Variants in TENM2 observed in about 807,000 individuals in gnomAD.
TENM2 encodes teneurin transmembrane protein 2, also known as teneurin-2.
Under a neutral mutation model 245.2 loss-of-function variants are expected in TENM2, and 52 were observed. The observed-to-expected ratio is 0.21, with a 90% confidence interval of 0.17 to 0.27. TENM2 has a LOEUF of 0.27. TENM2 is among the 10% of genes least tolerant of loss of function. The probability of loss-of-function intolerance (pLI) is 1.00; values close to 1 mark genes in which losing one functional copy is unlikely to be tolerated. For synonymous variants in TENM2, 1,363 were observed against 1,438.9 expected, an observed-to-expected ratio of 0.95 and a Z score of 1.19; for missense variants, 3,046 against 3,666.8, an observed-to-expected ratio of 0.83 and a Z score of 4.37.
intron 2 of TENM2, among the ~76,000 whole-genome samples, chr5:167,555,191 C>G (rs756589386): frequency 3.5e-4 from 54 of 152,248 alleles, no homozygotes; most frequent in Non-Finnish European, 6.0e-4. Context: ...TTTCTCAGAT[C>G]TACCTAATTT....
At chr5:168,225,503 G>A (rs1423139587) in intron 23 of TENM2, among the ~76,000 whole-genome samples, 3 of 152,212 alleles carry the variant, frequency 2.0e-5, no homozygotes, top group African/African-American at 7.2e-5. Flanking sequence ...GCTCACGCCT[G>A]TAATTCCAGC....
chr5:167,053,240 A>T, the TENM2 span, among the ~76,000 whole-genome samples: 1 of 152,176 alleles, frequency 6.6e-6, no homozygotes, highest in Non-Finnish European at 1.5e-5. Context: ...GACACTTATT[A>T]CATGGAGACT....
intron 23 of TENM2, among the ~76,000 whole-genome samples, chr5:168,224,857 G>A (rs1764013255): frequency 1.3e-5 from 2 of 152,182 alleles, no homozygotes; most frequent in African/African-American, 4.8e-5. Context: ...CTGGAAACGA[G>A]CCTGCTTTCC....
chr5:167,250,863 G>C, the TENM2 span, among the ~76,000 whole-genome samples: 1 of 152,158 alleles, frequency 6.6e-6, no homozygotes, highest in African/African-American at 2.4e-5. Flanking sequence ...GGCCATGGAT[G>C]TAAATGTCAA....
intron 2 of TENM2, among the ~76,000 whole-genome samples, chr5:167,454,475 T>C (rs1361961091): frequency 4.0e-5 from 6 of 149,358 alleles, no homozygotes; most frequent in African/African-American, 1.2e-4. Flanking sequence ...TGTGTGTGTG[T>C]GCATGTGCAC....
At chr5:168,183,959 G>A (rs369407544) in intron 13 of TENM2, among the ~76,000 whole-genome samples, 2 of 152,078 alleles carry the variant, frequency 1.3e-5, no homozygotes, top group East Asian at 1.9e-4. Context: ...GCACTCCTTT[G>A]GGTATAATCA....
In TENM2 at chr5:167,353,601, G is replaced by A. The variant is rs569087652; in HGVS notation, c.227-21597G>A. 3.5e-3 allele frequency among the ~76,000 whole-genome samples: 444 copies of A among 128,564 alleles called. 5 individuals are homozygous for A. Among genetic ancestry groups the A allele is most frequent in the Middle Eastern group, 0.034 (6 of 176 alleles). The allele number at this position is 128,564 out of a possible 152,430, so 84.3% of individuals were successfully genotyped here. A position where few individuals can be genotyped will look rare whatever the true frequency, so the allele number is the denominator to read the frequency against. On this transcript the variant is annotated intron_variant, in intron 1 of 28. Coordinates refer to ENST00000518659, the Ensembl canonical transcript of TENM2. ...CGGCTCACTGCAAGCTCCGCCTCCC[G>A]GGTTCACGCCATTCTCCTGCCTCAG...
intron 1 of TENM2, among the ~76,000 whole-genome samples, chr5:167,321,200 A>C: frequency 6.6e-6 from 1 of 151,428 alleles, no homozygotes; most frequent in African/African-American, 2.4e-5. Context: ...TGTATTCACA[A>C]AATTAAAAAA....
At chr5:167,999,992 TC>T (rs746768970) in intron 5 of TENM2, among the ~76,000 whole-genome samples, 7 of 152,224 alleles carry the variant, frequency 4.6e-5, no homozygotes, top group Admixed American at 1.3e-4. Flanking sequence ...TGGAGAGTTC[TC>T]CACCTACTAT....
At chr5:167,915,518 G>A (rs564783821) in intron 3 of TENM2, among the ~76,000 whole-genome samples, 2 of 152,172 alleles carry the variant, frequency 1.3e-5, no homozygotes, top group South Asian at 2.1e-4. Context: ...GCTGGCATTG[G>A]CCTCTGTTCC....
chr5:167,213,761 C>T, the TENM2 span, among the ~76,000 whole-genome samples: 1 of 152,036 alleles, frequency 6.6e-6, no homozygotes, highest in Non-Finnish European at 1.5e-5. Flanking sequence ...GTATATAAAA[C>T]AAATATGTGC....
the TENM2 span, among the ~76,000 whole-genome samples, chr5:166,984,008 A>G: frequency 6.6e-6 from 1 of 152,140 alleles, no homozygotes; most frequent in Non-Finnish European, 1.5e-5. Flanking sequence ...AGCTTTCAAA[A>G]AGTCAGTCAG....
intron 13 of TENM2, among the ~76,000 whole-genome samples, chr5:168,181,212 G>C (rs1360252241): frequency 6.6e-6 from 1 of 152,226 alleles, no homozygotes; most frequent in Non-Finnish European, 1.5e-5. Context: ...GGTTTAAAAG[G>C]TTTTGTTGAT....
At chr5:167,237,021 T>C in the TENM2 span, among the ~76,000 whole-genome samples, 1 of 152,164 alleles carries the variant, frequency 6.6e-6, no homozygotes. Context: ...TAGGTGCAGA[T>C]GGCATCTTGG....
chr5:167,508,742 T>A (rs1377655252), intron 2 of TENM2, among the ~76,000 whole-genome samples: 1 of 152,196 alleles, frequency 6.6e-6, no homozygotes, highest in African/African-American at 2.4e-5. Flanking sequence ...TACAGAATAG[T>A]GGTCTCATAA....
rs532468505 is a variant in TENM2 at position 168,138,637 on chromosome 5, G to A, written c.2422+11671G>A. On this transcript the variant is annotated intron_variant, in intron 12 of 28. Coordinates refer to ENST00000518659, the Ensembl canonical transcript of TENM2. ...TCAGCAGGGAGCACAGGGAGAGAGA[G>A]GAAAGCAGGAAGGGACATGGAAATG... Among the ~76,000 whole-genome samples the A allele has an allele frequency of 4.6e-5, 7 of 152,320 alleles. No homozygotes were observed. In the South Asian group the frequency reaches 1.5e-3, roughly 32 times the overall value.
intron 12 of TENM2, among the ~76,000 whole-genome samples, chr5:168,143,843 CTTT>C (rs70976464): frequency 7.8e-5 from 8 of 102,718 alleles, no homozygotes; most frequent in African/African-American, 1.9e-4. Context: ...TACTACACTT[CTTT>C]TTTTTTTTTT....
chr5:167,429,642 C>A (rs573423974), intron 2 of TENM2, among the ~76,000 whole-genome samples: 2 of 129,160 alleles, frequency 1.5e-5, no homozygotes, highest in South Asian at 5.1e-4. Context: ...CTTAGTCTCA[C>A]TCTGCCCAGG....
At chr5:167,380,366 G>A (rs1293502709) in intron 2 of TENM2, among the ~76,000 whole-genome samples, 1 of 152,132 alleles carries the variant, frequency 6.6e-6, no homozygotes, top group Non-Finnish European at 1.5e-5. Flanking sequence ...TTGATGTTCT[G>A]CAAATGGACT....
Sources: gnomAD v4.1 joint callset for allele counts (sites outside exome capture counted in the v4.1 genomes callset) on GRCh38, gnomAD v4.1.1 for gene constraint, MANE v1.5 for transcripts, NCBI Gene and HGNC (gene_info 2026-07-23, HGNC 2026-07-21) for gene names.